Variants in DENND6B observed in about 807,000 individuals in gnomAD.
The protein encoded by DENND6B is DENN domain containing 6B.
Under a neutral mutation model 85.1 loss-of-function variants are expected in DENND6B, and 73 were observed. The observed-to-expected ratio is 0.86, with a 90% confidence interval of 0.71 to 1.04. The LOEUF (loss-of-function observed/expected upper bound fraction) is 1.04. DENND6B is among the 50% of genes least tolerant of loss of function. The probability of loss-of-function intolerance (pLI) is 0.00; values close to 1 mark genes in which losing one functional copy is unlikely to be tolerated. For missense variants in DENND6B, 715 were observed against 785.8 expected (o/e 0.91, Z 1.08); for synonymous variants, 357 against 329.3 (o/e 1.08, Z -0.91).
rs1023648367 is a variant in DENND6B, at chr22:50,309,354, C to T, written c.*2785G>A. 6.6e-6 allele frequency: 1 copy of T among 152,394 alleles called. No individual in the cohort carries two copies. The highest frequency in any genetic ancestry group is 2.4e-5 in the African/African-American group (1 of 41,476). The allele number at this position is 152,394 out of a possible 1,614,324, so 9.4% of individuals were successfully genotyped here. A position where few individuals can be genotyped will look rare whatever the true frequency, so the allele number is the denominator to read the frequency against. ...CTGGCCAGGGGTAGAGCTGTCTGGA[C>T]CTTCCTGCCTCTTCACTGACTGCCC... On this transcript the variant is annotated 3_prime_UTR_variant, in exon 20 of 20. Coordinates refer to ENST00000413817, the MANE Select transcript of DENND6B (RefSeq NM_001001794.4).
chr22:50,320,572 T>A (rs2042012600), intron 1 of DENND6B, among the ~76,000 whole-genome samples: 1 of 152,096 alleles, frequency 6.6e-6, no homozygotes, highest in South Asian at 2.1e-4. Context: ...TCTCTGAGGT[T>A]TACTAGAACA....
In DENND6B at chr22:50,313,739, G is replaced by C. The variant is rs759540212; in HGVS notation, c.1204-15C>G. The C allele has an allele frequency of 1.2e-6, 2 of 1,604,944 alleles. No homozygotes were observed. The highest frequency in any genetic ancestry group is 2.2e-5 in the South Asian group (2 of 89,510). On this transcript the variant is annotated splice_polypyrimidine_tract_variant and intron_variant, in intron 14 of 19. Transcript: ENST00000413817. ...TTCTGCACGCCCTGCAGGGGAGAGA[G>C]GGCCAGGCCCTTGCTGCGCTTCACA...
At chr22:50,313,549 C>T in intron 15 of DENND6B, 50 bp from the exon 16 acceptor site, 1 of 1,468,548 alleles carries the variant, frequency 6.8e-7, no homozygotes, top group Non-Finnish European at 9.0e-7. Context: ...GCCCCCCAGC[C>T]CCATCCCCCG....
rs1459976518 is a variant in DENND6B, at chr22:50,311,858, A to G, written c.*281T>C. On this transcript the variant is annotated 3_prime_UTR_variant, in exon 20 of 20. Transcript: ENST00000413817. ...CGCACCCACATCAGCAAGGGCTCCCAGCCTGTCCCCGCCCCCGTCCCAGCC... is the reference window on the plus strand; with the variant it reads ...CGCACCCACATCAGCAAGGGCTCCCGGCCTGTCCCCGCCCCCGTCCCAGCC... 1.7e-5 allele frequency: 8 copies of G among 481,454 alleles called. No individual in the cohort carries two copies. Among genetic ancestry groups the G allele is most frequent in the Non-Finnish European group, 3.0e-5 (8 of 271,034 alleles). The allele number at this position is 481,454 out of a possible 1,614,324, so 29.8% of individuals were successfully genotyped here.
chr22:50,324,533 G>A (rs528459777), intron 1 of DENND6B, among the ~76,000 whole-genome samples: 1 of 152,244 alleles, frequency 6.6e-6, no homozygotes, highest in South Asian at 2.1e-4. Flanking sequence ...CAAGCGATTT[G>A]CCTGCCTCAG....
chr22:50,316,883 G>T, intron 5 of DENND6B: 1 of 212,570 alleles, frequency 4.7e-6, no homozygotes, highest in Non-Finnish European at 6.6e-6. Context: ...GGACAGAAGG[G>T]CCTTGGGTCC....
chr22:50,326,093 A>G (rs978416218), intron 1 of DENND6B, among the ~76,000 whole-genome samples: 1 of 152,204 alleles, frequency 6.6e-6, no homozygotes, highest in Non-Finnish European at 1.5e-5. Context: ...CAGGACACAG[A>G]GAAGATCATC....
At position 50,313,120 on chromosome 22, in the gene DENND6B, T is replaced by C. The variant is rs2068106517; in HGVS notation, c.1348-12A>G. 1 of 1,533,176 alleles carries C rather than the reference T, an allele frequency of 6.5e-7. No homozygotes were observed. The highest frequency in any genetic ancestry group is 8.8e-7 in the Non-Finnish European group (1 of 1,132,744). 95.0% of individuals were successfully genotyped at this position (1,533,176 alleles called of 1,614,324 possible). A position where few individuals can be genotyped will look rare whatever the true frequency, so the allele number is the denominator to read the frequency against. ...ATCTGGGGGGGAGTCTGAGAGGGGA[T>C]GGGTGAGCCAGCACGTGGGAACTCG... On this transcript the variant is annotated splice_polypyrimidine_tract_variant and intron_variant, in intron 16 of 19. Transcript: ENST00000413817.
At chr22:50,326,300 G>A (rs1353356336) in intron 1 of DENND6B, among the ~76,000 whole-genome samples, 1 of 152,236 alleles carries the variant, frequency 6.6e-6, no homozygotes, top group East Asian at 1.9e-4. Flanking sequence ...ACAAGGAGGC[G>A]CTGCAGGGTT....
At chr22:50,316,818 C>CT in intron 5 of DENND6B, 1 of 1,182,738 alleles carries the variant, frequency 8.5e-7, no homozygotes, top group Non-Finnish European at 1.1e-6. Flanking sequence ...TGCCCTGACA[C>CT]TGACAGTGTG....
intron 1 of DENND6B, among the ~76,000 whole-genome samples, chr22:50,325,426 C>G (rs1407171750): frequency 6.6e-6 from 1 of 151,216 alleles, no homozygotes; most frequent in Non-Finnish European, 1.5e-5. Context: ...CAACCTCCCC[C>G]TCCCGGGTTC....
Position 50,312,037 on chromosome 22 carries a change from G to GCCATGGGGCTGACCCTGTGGA in DENND6B, c.*101_*102insTCCACAGGGTCAGCCCCATGG. The GCCATGGGGCTGACCCTGTGGA allele has an allele frequency of 6.6e-7, 1 of 1,510,494 alleles. No homozygotes were observed. The highest frequency in any genetic ancestry group is 8.8e-7 in the Non-Finnish European group (1 of 1,131,688). The allele number at this position is 1,510,494 out of a possible 1,614,324, so 93.6% of individuals were successfully genotyped here. On this transcript the variant is annotated 3_prime_UTR_variant, in exon 20 of 20. Coordinates refer to ENST00000413817, the MANE Select transcript of DENND6B (RefSeq NM_001001794.4). ...GGGGAGCCTGCAGTCTGGGCGGGGG[G>GCCATGGGGCTGACCCTGTGGA]CCAAGGAAGGGGAGCGTGTGCTTGG... is the stretch of plus-strand genomic sequence containing the variant.
At position 50,313,337 on chromosome 22, in the gene DENND6B, C is replaced by A. The variant is rs2068113249; in HGVS notation, c.1347+109G>T. 3 of 1,393,926 alleles carry A rather than the reference C, an allele frequency of 2.2e-6. No homozygotes were observed. In the South Asian group the frequency reaches 4.4e-5, roughly 20 times the overall value. 86.3% of individuals were successfully genotyped at this position (1,393,926 alleles called of 1,614,324 possible). On this transcript the variant is annotated intron_variant, in intron 16 of 19. Coordinates refer to ENST00000413817, the MANE Select transcript of DENND6B (RefSeq NM_001001794.4). The stretch of plus-strand genomic sequence containing the variant: ...TTTCACAAACATGATGGCCTTGAGG[C>A]CTGTGGCTCCTGCCCAGCCACAGCC...
intron 16 of DENND6B, 95 bp downstream of exon 16, chr22:50,313,351 C>T (rs1165608197): frequency 2.1e-6 from 3 of 1,445,146 alleles, no homozygotes; most frequent in Admixed American, 2.5e-5. Flanking sequence ...TGGCTCCTGC[C>T]CAGCCACAGC....
intron 1 of DENND6B, among the ~76,000 whole-genome samples, chr22:50,323,809 T>C (rs112558821): frequency 0.084 from 12,263 of 146,458 alleles, 1,087 homozygotes; most frequent in African/African-American, 0.23. Context: ...CATGGCTCAC[T>C]ACAGCCTCGA....
At position 50,310,160 on chromosome 22, in the gene DENND6B, G is replaced by A. The variant is rs1035294470; in HGVS notation, c.*1979C>T. On this transcript the variant is annotated 3_prime_UTR_variant, in exon 20 of 20. Coordinates refer to ENST00000413817, the MANE Select transcript of DENND6B (RefSeq NM_001001794.4). Reference sequence around the variant, plus strand: ...AGACCCTCTAGAGACCAAGCCCTCAGTGGGGAGGCTGGTCCCCCTGTGCTA... The same window carrying A: ...AGACCCTCTAGAGACCAAGCCCTCAATGGGGAGGCTGGTCCCCCTGTGCTA... 2 of 152,292 alleles carry A rather than the reference G, an allele frequency of 1.3e-5. No homozygotes were observed. Among genetic ancestry groups the A allele is most frequent in the Non-Finnish European group, 2.9e-5 (2 of 68,060 alleles). The allele number at this position is 152,292 out of a possible 1,614,324, so 9.4% of individuals were successfully genotyped here.
At chr22:50,325,636 G>A (rs984183849) in intron 1 of DENND6B, among the ~76,000 whole-genome samples, 1 of 152,132 alleles carries the variant, frequency 6.6e-6, no homozygotes, top group African/African-American at 2.4e-5. Flanking sequence ...CGTCCGGCCA[G>A]GAACCTCTTA....
At chr22:50,325,063 G>A (rs1294064261) in intron 1 of DENND6B, among the ~76,000 whole-genome samples, 1 of 152,166 alleles carries the variant, frequency 6.6e-6, no homozygotes, top group African/African-American at 2.4e-5. Flanking sequence ...GGAAAGGCAA[G>A]AGTCATGTGC....
At position 50,322,136 on chromosome 22, in the gene DENND6B, G is replaced by A. The variant is rs555024051; in HGVS notation, c.178-3133C>T. Among the ~76,000 whole-genome samples the A allele has an allele frequency of 6.0e-5, 9 of 150,284 alleles. No individual in the cohort carries two copies. In the South Asian group the frequency reaches 1.7e-3, roughly 28 times the overall value. On this transcript the variant is annotated intron_variant, in intron 1 of 19. Coordinates refer to ENST00000413817, the MANE Select transcript of DENND6B (RefSeq NM_001001794.4). ...GTTGCCCAGGCTGGAGTACAGTGGC[G>A]CGATCTCAGCTCACTGCAAGCTCCG... is the stretch of plus-strand genomic sequence containing the variant.
Sources: gnomAD v4.1 joint callset for allele counts (sites outside exome capture counted in the v4.1 genomes callset) on GRCh38, gnomAD v4.1.1 for gene constraint, MANE v1.5 for transcripts, NCBI Gene and HGNC (gene_info 2026-07-23, HGNC 2026-07-21) for gene names.